NXN: variants seen among roughly 807,000 people sequenced by gnomAD.
NXN encodes nucleoredoxin.
A neutral mutation model predicts 48.6 loss-of-function variants in NXN; 16 were observed. The ratio of observed to expected loss-of-function variants is 0.33; its 90% CI spans 0.22 to 0.50. The LOEUF (loss-of-function observed/expected upper bound fraction) is 0.50. Ranked by LOEUF, NXN falls within the 20% of genes least tolerant of loss-of-function variation. NXN has a pLI of 0.98. For synonymous variants in NXN, 281 were observed against 269.6 expected, an observed-to-expected ratio of 1.04 and a Z score of -0.41; for missense variants, 492 against 605.5, an observed-to-expected ratio of 0.81 and a Z score of 1.97.
chr17:870,626 G>A (rs888320039), intron 1 of NXN, among the ~76,000 whole-genome samples: 4 of 151,850 alleles, frequency 2.6e-5, no homozygotes, highest in Admixed American at 1.3e-4. Context: ...GTGGTGTCCC[G>A]TGCCTGTAGT....
At chr17:968,487 T>C (rs1485931855) in intron 1 of NXN, among the ~76,000 whole-genome samples, 1 of 150,944 alleles carries the variant, frequency 6.6e-6, no homozygotes, top group Non-Finnish European at 1.5e-5. Context: ...GTGGGAGGAC[T>C]GCCTGGGCCC....
At chr17:905,893 C>T (rs2068577185) in intron 1 of NXN, among the ~76,000 whole-genome samples, 1 of 151,410 alleles carries the variant, frequency 6.6e-6, no homozygotes, top group Non-Finnish European at 1.5e-5. Context: ...GGGAGGATCG[C>T]TTGAGCCCAG....
Position 920,416 on chromosome 17 carries a change from A to ATGTAGCCTTGGGGATGCC in NXN, c.360+58885_360+58902dup, listed in dbSNP as rs2068735625. ...GCCCTCCTGTCATGCCCCAAGGCCA[A>ATGTAGCCTTGGGGATGCC]TGTAGCCTTGGGGATGCCGAGCCTG... On this transcript the variant is annotated intron_variant, in intron 1 of 7. Transcript: ENST00000336868. This position sits in a 1 kb window ranked among gnomAD's most constrained non-coding sequence, Gnocchi z 4.6. 6.6e-6 allele frequency among the ~76,000 whole-genome samples: 1 copy of ATGTAGCCTTGGGGATGCC among 151,960 alleles called. No homozygotes were observed. Among genetic ancestry groups the ATGTAGCCTTGGGGATGCC allele is most frequent in the Non-Finnish European group, 1.5e-5 (1 of 67,986 alleles).
Position 845,075 on chromosome 17 carries a change from C to T in NXN, c.361-18997G>A, listed in dbSNP as rs373502266. ...ACACGTCCAGCACAGACTCACAGCACGGGAGAGAACTCCTAGGACCAGCTG... is the reference window on the plus strand; with the variant it reads ...ACACGTCCAGCACAGACTCACAGCATGGGAGAGAACTCCTAGGACCAGCTG... On this transcript the variant is annotated intron_variant, in intron 1 of 7. Coordinates refer to ENST00000336868, the MANE Select transcript of NXN (RefSeq NM_022463.5). Among the ~76,000 whole-genome samples the T allele has an allele frequency of 1.2e-4, 19 of 152,234 alleles. 1 individual carries two copies. The East Asian group carries it at 1.4e-3, about 11-fold the overall frequency.
At chr17:937,781 C>T (rs542527714) in intron 1 of NXN, among the ~76,000 whole-genome samples, 14 of 152,342 alleles carry the variant, frequency 9.2e-5, no homozygotes, top group South Asian at 4.1e-4. Flanking sequence ...AGAGAATTCA[C>T]GGGGCGTTCG....
Position 856,191 on chromosome 17 carries a change from C to CA in NXN, c.361-30114dup, listed in dbSNP as rs879924370. On this transcript the variant is annotated intron_variant, in intron 1 of 7. Transcript: ENST00000336868. ...CTGGCAACAAAGTGAGACTCCGTCT[C>CA]AAAAAAAAAAAAGAGGGTCTGATCT... 9.8e-4 allele frequency among the ~76,000 whole-genome samples: 133 copies of CA among 135,846 alleles called. 1 individual carries two copies. Among genetic ancestry groups the CA allele is most frequent in the South Asian group, 4.6e-3 (19 of 4,160 alleles). The allele number at this position is 135,846 out of a possible 152,430, so 89.1% of individuals were successfully genotyped here. A position where few individuals can be genotyped will look rare whatever the true frequency, so the allele number is the denominator to read the frequency against.
At chr17:913,218 C>A (rs899360699) in intron 1 of NXN, among the ~76,000 whole-genome samples, 1 of 152,102 alleles carries the variant, frequency 6.6e-6, no homozygotes, top group African/African-American at 2.4e-5. Flanking sequence ...TCATGAGTCA[C>A]CAAAAATCCT....
At position 830,445 on chromosome 17, in the gene NXN, C is replaced by T. The variant is rs75208971; in HGVS notation, c.361-4367G>A. ...TGGCAGCGTGGATTCCAGAGACAGG[C>T]GTCCGGGAGGAATGACATTTGGGCA... On this transcript the variant is annotated intron_variant, in intron 1 of 7. Transcript: ENST00000336868. This position sits in a 1 kb window ranked among gnomAD's most constrained non-coding sequence, Gnocchi z 4.2. 0.022 allele frequency among the ~76,000 whole-genome samples: 3,382 copies of T among 151,980 alleles called. 108 individuals are homozygous for T. Among genetic ancestry groups the T allele is most frequent in the African/African-American group, 0.077 (3,172 of 41,430 alleles).
chr17:953,163 T>C (rs1038028106), intron 1 of NXN, among the ~76,000 whole-genome samples: 2 of 133,672 alleles, frequency 1.5e-5, no homozygotes, highest in Non-Finnish European at 1.8e-5. Flanking sequence ...AACGGAAGAC[T>C]ATGACCCTTG....
At chr17:880,298 TG>T (rs1482596820) in intron 1 of NXN, among the ~76,000 whole-genome samples, 8 of 152,164 alleles carry the variant, frequency 5.3e-5, no homozygotes, top group African/African-American at 1.4e-4. Context: ...TTTATTTCCT[TG>T]TATATAAAAT....
intron 5 of NXN, among the ~76,000 whole-genome samples, chr17:812,152 C>T (rs557699513): frequency 6.6e-6 from 1 of 151,206 alleles, no homozygotes; most frequent in Non-Finnish European, 1.5e-5. Flanking sequence ...CGGTCTCGAT[C>T]TCCTGACCTC....
At chr17:894,704 G>T (rs1378977671) in intron 1 of NXN, among the ~76,000 whole-genome samples, 3 of 152,222 alleles carry the variant, frequency 2.0e-5, no homozygotes, top group African/African-American at 7.2e-5. Context: ...TCCTGCCGGG[G>T]GCAGCCTCTG....
chr17:960,029 T>C (rs1207502423), intron 1 of NXN, among the ~76,000 whole-genome samples: 1 of 151,708 alleles, frequency 6.6e-6, no homozygotes. Flanking sequence ...GGGGCAGAGG[T>C]TGCGGTCAGC....
chr17:975,663 C>T (rs1346678786), intron 1 of NXN, among the ~76,000 whole-genome samples: 1 of 152,204 alleles, frequency 6.6e-6, no homozygotes, highest in East Asian at 1.9e-4. Context: ...GTGGTCTGCA[C>T]CCTTGGATGT....
intron 1 of NXN, among the ~76,000 whole-genome samples, chr17:913,913 T>C (rs954055984): frequency 1.3e-5 from 2 of 152,196 alleles, no homozygotes; most frequent in Admixed American, 6.5e-5. Context: ...TTTATTTTTA[T>C]TTTTGAGACA....
At chr17:911,777 T>C (rs2068639244) in intron 1 of NXN, among the ~76,000 whole-genome samples, 1 of 151,652 alleles carries the variant, frequency 6.6e-6, no homozygotes. Flanking sequence ...ATTTTTTTTT[T>C]TTTTTAATGT....
In NXN at chr17:895,782, C is replaced by T. The variant is rs1485418585; in HGVS notation, c.361-69704G>A. On this transcript the variant is annotated intron_variant, in intron 1 of 7. Transcript: ENST00000336868. ...GCAGTGAGCCGAGATCGCACCACTG[C>T]ACTCCAGCCTGGGTTTTGTTTGTCT... Among the ~76,000 whole-genome samples, 25 of 8,100 alleles carry T rather than the reference C, an allele frequency of 3.1e-3. No individual in the cohort carries two copies. The African/African-American group carries it at 0.034, about 11-fold the overall frequency. The allele number at this position is 8,100 out of a possible 152,430, so 5.3% of individuals were successfully genotyped here.
At chr17:940,991 C>T (rs1467682625) in intron 1 of NXN, among the ~76,000 whole-genome samples, 2 of 137,208 alleles carry the variant, frequency 1.5e-5, no homozygotes, top group South Asian at 2.4e-4. Flanking sequence ...CAGCCATGAA[C>T]TCACATCACA....
intron 1 of NXN, among the ~76,000 whole-genome samples, chr17:831,509 C>A (rs1379925526): frequency 4.0e-5 from 6 of 151,378 alleles, no homozygotes; most frequent in Non-Finnish European, 8.8e-5. Context: ...CTTGCTCTGT[C>A]ACCCAGGCAG....
Sources: allele counts gnomAD v4.1 joint callset (sites outside exome capture counted in the v4.1 genomes callset), GRCh38; gene constraint gnomAD v4.1.1; non-coding constraint Gnocchi (gnomAD v3.1); transcripts MANE v1.5; gene names NCBI Gene and HGNC (gene_info 2026-07-23, HGNC 2026-07-21).